The following INSR variants were observed in gnomAD, a reference collection of about 807,000 sequenced individuals.
INSR encodes IR.
In INSR, 67 loss-of-function variants were observed where a neutral mutation model predicts 142.6. That is an observed-to-expected ratio of 0.47 (90% CI 0.39 to 0.58). The LOEUF is 0.58. INSR is among the 20% of genes least tolerant of loss of function. INSR has a pLI of 0.00. For synonymous variants in INSR, 756 were observed against 743.1 expected, an observed-to-expected ratio of 1.02 and a Z score of -0.28; for missense variants, 1,248 against 1,833.2, an observed-to-expected ratio of 0.68 and a Z score of 5.83.
intron 2 of INSR, among the ~76,000 whole-genome samples, chr19:7,199,469 C>G (rs925929588): frequency 6.6e-6 from 1 of 151,596 alleles, no homozygotes; most frequent in South Asian, 2.1e-4. Context: ...GCCATCATAG[C>G]TCACTGCAGT....
chr19:7,258,390 G>A (rs1403130212), intron 2 of INSR, among the ~76,000 whole-genome samples: 3 of 124,094 alleles, frequency 2.4e-5, no homozygotes, highest in East Asian at 1.9e-4. Context: ...CAGCCCAGGC[G>A]ACAGAGTGAG....
intron 1 of INSR, among the ~76,000 whole-genome samples, chr19:7,292,717 C>G (rs1277653487): frequency 6.6e-6 from 1 of 152,184 alleles, no homozygotes; most frequent in Non-Finnish European, 1.5e-5. Context: ...CAGTGGGAAA[C>G]CCAGGCTATA....
Position 7,162,052 on chromosome 19 carries a change from C to T in INSR, c.2029+980G>A, listed in dbSNP as rs965378960. Among the ~76,000 whole-genome samples the T allele has an allele frequency of 3.3e-5, 5 of 151,944 alleles. No individual in the cohort carries two copies. The East Asian group carries it at 9.7e-4, about 30-fold the overall frequency. On this transcript the variant is annotated intron_variant, in intron 9 of 21. Coordinates refer to ENST00000302850, the MANE Select transcript of INSR (RefSeq NM_000208.4). The stretch of plus-strand genomic sequence containing the variant: ...AGTTTAAAAATTAGCCAGGGCCAGG[C>T]GTGGTGGCTCATGCCTGTAATCACA...
rs559038815 is a variant in INSR at position 7,195,314 on chromosome 19, T to A, written c.653-10677A>T. On this transcript the variant is annotated intron_variant, in intron 2 of 21. Coordinates refer to ENST00000302850, the MANE Select transcript of INSR (RefSeq NM_000208.4). ...ATATATTACTAACCCTAGCTTGAGG[T>A]CATTCGATAAAATAACTGGCCTGTG... 8.5e-5 allele frequency among the ~76,000 whole-genome samples: 13 copies of A among 152,220 alleles called. No homozygotes were observed. The South Asian group carries it at 2.5e-3, about 29-fold the overall frequency.
At position 7,116,700 on chromosome 19, in the gene INSR, CA is replaced by C. The variant is rs71177157; in HGVS notation, c.*355del. The C allele has an allele frequency of 0.027, 1,356 of 50,446 alleles. 20 individuals are homozygous for C. The highest frequency in any genetic ancestry group is 0.085 in the African/African-American group (1,205 of 14,180). 3.1% of individuals were successfully genotyped at this position (50,446 alleles called of 1,614,324 possible). A position where few individuals can be genotyped will look rare whatever the true frequency, so the allele number is the denominator to read the frequency against. Reference sequence around the variant, plus strand: ...TTTTATACTGAAGCTCAGACACCAGCAAAAAAAAAAAAAAAAAAAAAGAATT... The same window carrying C: ...TTTTATACTGAAGCTCAGACACCAGCAAAAAAAAAAAAAAAAAAAAGAATT... On this transcript the variant is annotated 3_prime_UTR_variant, in exon 22 of 22. Transcript: ENST00000302850.
intron 13 of INSR, 65 bp downstream of exon 13, chr19:7,141,612 C>A: frequency 6.2e-7 from 1 of 1,605,540 alleles, no homozygotes; most frequent in Non-Finnish European, 8.5e-7. Context: ...AAGGAGGTAC[C>A]AAGTGCAACT....
At chr19:7,120,529 A>G (rs1229671810) in intron 20 of INSR, 91 bp downstream of exon 20, 1 of 1,503,720 alleles carries the variant, frequency 6.7e-7, no homozygotes, top group African/African-American at 1.4e-5. Context: ...GGCGTCCAGG[A>G]GGATGGCAGG....
At chr19:7,188,224 T>C (rs1974480940) in intron 2 of INSR, among the ~76,000 whole-genome samples, 1 of 152,086 alleles carries the variant, frequency 6.6e-6, no homozygotes, top group Admixed American at 6.6e-5. Context: ...TCTCATTACA[T>C]TTTCCTTATG....
intron 2 of INSR, among the ~76,000 whole-genome samples, chr19:7,223,405 C>T (rs1304783732): frequency 3.3e-5 from 5 of 152,092 alleles, no homozygotes; most frequent in Admixed American, 2.0e-4. Flanking sequence ...AACTGGTGTC[C>T]AGGCTCTGGT....
At chr19:7,271,399 C>T (rs1401908232) in intron 1 of INSR, among the ~76,000 whole-genome samples, 1 of 152,050 alleles carries the variant, frequency 6.6e-6, no homozygotes, top group African/African-American at 2.4e-5. Flanking sequence ...ACTTGGGAGT[C>T]TGAGGCAGGA....
chr19:7,134,695 G>A (rs1173034634), intron 13 of INSR, among the ~76,000 whole-genome samples: 1 of 152,032 alleles, frequency 6.6e-6, no homozygotes, highest in Non-Finnish European at 1.5e-5. Flanking sequence ...AACCCGGGAG[G>A]CAGAGTTTGT....
chr19:7,118,340 C>G (rs889251567), intron 21 of INSR, among the ~76,000 whole-genome samples: 8 of 151,892 alleles, frequency 5.3e-5, no homozygotes, highest in African/African-American at 1.9e-4. Flanking sequence ...GTTTTTGAGA[C>G]AGAATCTCAC....
rs572735193 is a variant in INSR, at chr19:7,237,595, C to A, written c.652+29750G>T. Reference sequence around the variant, plus strand: ...CTTTGGAAGGCCGAGGCGGGTGGATCATGAGGTCAGGAGATCGAGACCATC... The same window carrying A: ...CTTTGGAAGGCCGAGGCGGGTGGATAATGAGGTCAGGAGATCGAGACCATC... On this transcript the variant is annotated intron_variant, in intron 2 of 21. Transcript: ENST00000302850. 7.1e-4 allele frequency among the ~76,000 whole-genome samples: 108 copies of A among 152,114 alleles called. 1 individual carries two copies. The highest frequency in any genetic ancestry group is 2.4e-3 in the African/African-American group (100 of 41,510).
rs1023308437 is a variant in INSR, at chr19:7,168,055, G to A, written c.1523C>T (p.Ser508Phe). Residue 508 changes from serine (S) to phenylalanine (F), a missense_variant, in exon 7 of 22, where the codon TCT (serine) becomes TTT (phenylalanine). Ser to Phe is a radical substitution (Grantham distance 155, BLOSUM62 -2). Transcript: ENST00000302850. This position sits in a 1 kb window ranked among gnomAD's most constrained non-coding sequence, Gnocchi z 4.3. ...CCATCTCAGCAAGATCTTGTCAAAA[G>A]ATGTCCGAATGTAAGAAAATTTAAG... ...ELLKFSYIRT[S>F]FDKILLRWEP... is the part of the protein sequence containing the mutation. 6.2e-7 allele frequency: 1 copy of A among 1,614,042 alleles called. No individual in the cohort carries two copies.
chr19:7,269,632 G>C (rs1967856739), intron 1 of INSR, among the ~76,000 whole-genome samples: 1 of 150,334 alleles, frequency 6.7e-6, no homozygotes. Context: ...CCAGTCTGAG[G>C]CTCCCAGTCA....
In INSR at chr19:7,153,000, A is replaced by ACACACACAC. The variant is rs1568448933; in HGVS notation, c.2030-82_2030-74dup. On this transcript the variant is annotated intron_variant, in intron 9 of 21. Transcript: ENST00000302850. ...ACACATACACACACACACACACCCC[A>ACACACACAC]CACACACACACACCACACACACACA... 5.5e-6 allele frequency: 4 copies of ACACACACAC among 723,512 alleles called. No individual in the cohort carries two copies. The South Asian group carries it at 6.6e-5, about 12-fold the overall frequency. The allele number at this position is 723,512 out of a possible 1,614,324, so 44.8% of individuals were successfully genotyped here. A position where few individuals can be genotyped will look rare whatever the true frequency, so the allele number is the denominator to read the frequency against.
chr19:7,196,876 T>C (rs927935069), intron 2 of INSR, among the ~76,000 whole-genome samples: 4 of 152,234 alleles, frequency 2.6e-5, no homozygotes, highest in Non-Finnish European at 4.4e-5. Flanking sequence ...TGCTGGTACA[T>C]TGACCACAGG....
In INSR at chr19:7,293,854, G is replaced by T. The variant is rs1023611589; in HGVS notation, c.38C>A (p.Pro13Gln). ...TGGRRGAAAA[P>Q]LLVAVAALLL... ...CAGCGCGGCCACCGCCACCAGCAGCGGCGCGGCCGCCGCCCCCCGCCGGCC... is the reference window on the plus strand; with the variant it reads ...CAGCGCGGCCACCGCCACCAGCAGCTGCGCGGCCGCCGCCCCCCGCCGGCC... Residue 13 changes from proline (P) to glutamine (Q), a missense_variant, in exon 1 of 22, where the codon CCG becomes CAG. Physicochemically the swap from Pro to Gln is moderately conservative, Grantham distance 76. Transcript: ENST00000302850. 2.4e-6 allele frequency: 3 copies of T among 1,254,630 alleles called. No homozygotes were observed. Among genetic ancestry groups the T allele is most frequent in the East Asian group, 6.7e-5 (2 of 29,978 alleles). The allele number at this position is 1,254,630 out of a possible 1,614,324, so 77.7% of individuals were successfully genotyped here.
chr19:7,249,159 T>C (rs1397062105), intron 2 of INSR, among the ~76,000 whole-genome samples: 1 of 152,102 alleles, frequency 6.6e-6, no homozygotes, highest in African/African-American at 2.4e-5. Context: ...ATCCTCTAAC[T>C]TTTTTCCTGC....
Sources: gnomAD v4.1 joint callset for allele counts (sites outside exome capture counted in the v4.1 genomes callset) on GRCh38, gnomAD v4.1.1 for gene constraint, Gnocchi (gnomAD v3.1) non-coding constraint, MANE v1.5 for transcripts, NCBI Gene and HGNC (gene_info 2026-07-23, HGNC 2026-07-21) for gene names.